NTRK2: variants seen among roughly 807,000 people sequenced by gnomAD.
NTRK2 encodes the protein BDNF/NT-3 growth factors receptor.
A neutral mutation model predicts 94.5 loss-of-function variants in NTRK2; 13 were observed. That is an observed-to-expected ratio of 0.14 (90% CI 0.09 to 0.22). The LOEUF is 0.22. NTRK2 is among the 10% of genes least tolerant of loss of function. The pLI is 1.00. For missense variants in NTRK2, 639 were observed against 1,071.2 expected, an observed-to-expected ratio of 0.60 and a Z score of 5.63; for synonymous variants, 372 against 407.4, an observed-to-expected ratio of 0.91 and a Z score of 1.05.
intron 2 of NTRK2, among the ~76,000 whole-genome samples, chr9:84,677,132 G>A (rs779293415): frequency 2.0e-5 from 3 of 152,210 alleles, no homozygotes; most frequent in Non-Finnish European, 2.9e-5. Flanking sequence ...GAGGGGCAGA[G>A]CAGACAGAGT....
chr9:84,866,495 G>A (rs1224009139), intron 13 of NTRK2, among the ~76,000 whole-genome samples: 1 of 152,096 alleles, frequency 6.6e-6, no homozygotes, highest in East Asian at 1.9e-4. Context: ...TGTGAAATAG[G>A]GATCCCAGAT....
In NTRK2 at chr9:84,709,959, C is replaced by CTGTGTGTG. The variant is rs1491578776; in HGVS notation, c.429-677_429-676insGTGTGTGT. On this transcript the variant is annotated intron_variant, in intron 5 of 18. Coordinates refer to ENST00000277120, the MANE Select transcript of NTRK2 (RefSeq NM_006180.6). ...GTTGCCTTGCCCTCAGAATAGCTTG[C>CTGTGTGTG]TCTGTGTGTGTGTGTGTGTGTGTGT... Among the ~76,000 whole-genome samples the CTGTGTGTG allele has an allele frequency of 3.5e-3, 404 of 116,470 alleles. 3 individuals are homozygous for CTGTGTGTG. Among genetic ancestry groups the CTGTGTGTG allele is most frequent in the African/African-American group, 0.011 (378 of 34,032 alleles). The allele number at this position is 116,470 out of a possible 152,430, so 76.4% of individuals were successfully genotyped here.
intron 12 of NTRK2, among the ~76,000 whole-genome samples, chr9:84,788,375 G>A (rs1356397950): frequency 6.6e-6 from 1 of 152,182 alleles, no homozygotes; most frequent in Non-Finnish European, 1.5e-5. Context: ...TAAGTGCTGG[G>A]ACTATAGAGA....
At chr9:84,989,820 T>C (rs1355661553) in intron 17 of NTRK2, among the ~76,000 whole-genome samples, 1 of 152,256 alleles carries the variant, frequency 6.6e-6, no homozygotes, top group East Asian at 1.9e-4. Flanking sequence ...TCTTTCTGAA[T>C]AATGTGTCCT....
chr9:84,782,023 A>G (rs1407159533), intron 12 of NTRK2, among the ~76,000 whole-genome samples: 3 of 142,880 alleles, frequency 2.1e-5, no homozygotes, highest in Non-Finnish European at 3.0e-5. Context: ...GGATTATAAG[A>G]TGGCCTCCAA....
At chr9:84,913,570 A>C (rs1245398899) in intron 14 of NTRK2, among the ~76,000 whole-genome samples, 1 of 152,108 alleles carries the variant, frequency 6.6e-6, no homozygotes, top group Non-Finnish European at 1.5e-5. Flanking sequence ...TGGACTAATT[A>C]GTTTTTTTAT....
At chr9:84,809,310 A>AT (rs2071479798) in intron 12 of NTRK2, among the ~76,000 whole-genome samples, 1 of 151,686 alleles carries the variant, frequency 6.6e-6, no homozygotes, top group Non-Finnish European at 1.5e-5. Flanking sequence ...TGTTTTCTTT[A>AT]TTTTTGTAAC....
intron 16 of NTRK2, among the ~76,000 whole-genome samples, chr9:84,954,853 T>C (rs1823915529): frequency 6.6e-6 from 1 of 152,212 alleles, no homozygotes; most frequent in Non-Finnish European, 1.5e-5. Context: ...GGCTGCCATG[T>C]CCATCCCACT....
chr9:84,773,195 G>T (rs1260761395), intron 12 of NTRK2, among the ~76,000 whole-genome samples: 2 of 152,172 alleles, frequency 1.3e-5, no homozygotes, highest in Non-Finnish European at 2.9e-5. Flanking sequence ...GACTGTAAAT[G>T]CTTGCATGGG....
intron 17 of NTRK2, among the ~76,000 whole-genome samples, chr9:85,002,122 C>T (rs2133414859): frequency 6.6e-6 from 1 of 152,296 alleles, no homozygotes; most frequent in South Asian, 2.1e-4. Context: ...AGGCACTATT[C>T]CCCTTGCAGT....
chr9:84,993,629 A>G (rs1260406464), intron 17 of NTRK2, among the ~76,000 whole-genome samples: 2 of 152,008 alleles, frequency 1.3e-5, no homozygotes, highest in African/African-American at 4.8e-5. Context: ...AAAATCTTCT[A>G]TGTTTTCTCA....
chr9:84,716,044 A>G (rs1233012529), intron 6 of NTRK2, among the ~76,000 whole-genome samples: 1 of 152,206 alleles, frequency 6.6e-6, no homozygotes. Context: ...GGGTCATATC[A>G]AAAGAATCCC....
At chr9:85,002,406 T>A (rs958335660) in intron 17 of NTRK2, among the ~76,000 whole-genome samples, 6 of 152,144 alleles carry the variant, frequency 3.9e-5, no homozygotes, top group African/African-American at 1.4e-4. Flanking sequence ...GCTTCCCAGG[T>A]GCTGTGGGTG....
At chr9:84,873,723 C>T (rs1306143955) in intron 14 of NTRK2, 1 of 1,056,530 alleles carries the variant, frequency 9.5e-7, no homozygotes, top group Non-Finnish European at 1.1e-6. Flanking sequence ...CAAGCACACT[C>T]ACAGTGAAGT....
At chr9:84,848,525 G>C (rs1317835007) in intron 12 of NTRK2, among the ~76,000 whole-genome samples, 2 of 152,138 alleles carry the variant, frequency 1.3e-5, no homozygotes, top group Non-Finnish European at 2.9e-5. Flanking sequence ...ATTTAGTTAC[G>C]ATTCTAGAAC....
chr9:84,883,543 G>A (rs893327631), intron 14 of NTRK2, among the ~76,000 whole-genome samples: 2 of 152,132 alleles, frequency 1.3e-5, no homozygotes, highest in African/African-American at 4.8e-5. Context: ...ATGAGGCCAT[G>A]GTTCTTGTTT....
intron 14 of NTRK2, among the ~76,000 whole-genome samples, chr9:84,890,531 A>G (rs2076565517): frequency 6.6e-6 from 1 of 152,164 alleles, no homozygotes; most frequent in Non-Finnish European, 1.5e-5. Context: ...ATCTTTTCTC[A>G]TCCTCTAGGA....
intron 17 of NTRK2, among the ~76,000 whole-genome samples, chr9:85,014,301 T>C (rs1831973569): frequency 2.0e-5 from 3 of 152,076 alleles, no homozygotes; most frequent in African/African-American, 7.2e-5. Context: ...CCCAACATAG[T>C]GGGGAGAGCT....
chr9:84,697,869 G>T (rs1052521918), intron 2 of NTRK2, among the ~76,000 whole-genome samples: 2 of 152,078 alleles, frequency 1.3e-5, no homozygotes, highest in Non-Finnish European at 2.9e-5. Flanking sequence ...CTGGGGTCTG[G>T]CTTTCCTGCA....
Sources: gnomAD v4.1 joint callset for allele counts (sites outside exome capture counted in the v4.1 genomes callset) on GRCh38, gnomAD v4.1.1 for gene constraint, MANE v1.5 for transcripts, NCBI Gene and HGNC (gene_info 2026-07-23, HGNC 2026-07-21) for gene names.